MALRD1: variants seen among roughly 807,000 people sequenced by gnomAD.
MALRD1 encodes MAM and LDL receptor class A domain containing 1.
In MALRD1, 247 loss-of-function variants were observed where a neutral mutation model predicts 242.1. That is an observed-to-expected ratio of 1.02 (90% CI 0.92 to 1.13). The LOEUF (loss-of-function observed/expected upper bound fraction) is 1.13, where lower values mean the gene tolerates loss of function less well. Ranked by LOEUF, MALRD1 falls within the 50% of genes most tolerant of loss-of-function variation. The probability of loss-of-function intolerance (pLI) is 0.00; values close to 1 mark genes in which losing one functional copy is unlikely to be tolerated. For missense variants in MALRD1, 2,989 were observed against 2,533.1 expected (o/e 1.18, Z -3.86); for synonymous variants, 995 against 866.6 (o/e 1.15, Z -2.60).
chr10:19,124,696 T>C (rs1837191251), intron 7 of MALRD1, 26 bp downstream of exon 7: 35 of 1,232,428 alleles, frequency 2.8e-5, no homozygotes, highest in Non-Finnish European at 3.4e-5. Flanking sequence ...ATATCTTTTA[T>C]GTATTACTTT....
intron 10 of MALRD1, among the ~76,000 whole-genome samples, 170 bp from the exon 11 acceptor site, chr10:19,146,028 G>A (rs141579654): frequency 3.3e-5 from 5 of 152,242 alleles, no homozygotes; most frequent in Admixed American, 1.3e-4. Context: ...CACAGCACCT[G>A]AGATATTGTG....
intron 18 of MALRD1, among the ~76,000 whole-genome samples, chr10:19,233,096 G>A (rs1838153416): frequency 2.0e-5 from 3 of 152,152 alleles, no homozygotes; most frequent in African/African-American, 7.2e-5. Context: ...CATAGGAGGT[G>A]TATATATTTG....
At chr10:19,220,297 G>GA (rs1178204942) in intron 18 of MALRD1, among the ~76,000 whole-genome samples, 1 of 152,152 alleles carries the variant, frequency 6.6e-6, no homozygotes, top group East Asian at 1.9e-4. Context: ...AAGAGGGAAA[G>GA]ACCTTTGAGC....
chr10:19,225,628 C>T (rs1179391703), intron 18 of MALRD1, among the ~76,000 whole-genome samples: 1 of 152,080 alleles, frequency 6.6e-6, no homozygotes, highest in East Asian at 1.9e-4. Context: ...TCCTGTAATG[C>T]TTCATTTCTA....
intron 33 of MALRD1, among the ~76,000 whole-genome samples, chr10:19,584,117 TTTTC>T (rs1266149781): frequency 4.0e-5 from 6 of 150,916 alleles, no homozygotes; most frequent in African/African-American, 1.5e-4. Flanking sequence ...TTCTCTCTTT[TTTTC>T]TTTATTAGTC....
intron 19 of MALRD1, among the ~76,000 whole-genome samples, chr10:19,275,471 A>G (rs1020256547): frequency 1.2e-4 from 19 of 152,154 alleles, no homozygotes; most frequent in Non-Finnish European, 2.8e-4. Flanking sequence ...GATCAAGACC[A>G]TCCTGGTTAA....
chr10:19,059,693 C>G (rs571988164), intron 1 of MALRD1, among the ~76,000 whole-genome samples: 32 of 151,826 alleles, frequency 2.1e-4, no homozygotes, highest in South Asian at 4.2e-4. Flanking sequence ...CGCTGGCCCT[C>G]TGCATCTATT....
intron 36 of MALRD1, among the ~76,000 whole-genome samples, chr10:19,623,354 T>G (rs1839492392): frequency 6.6e-6 from 1 of 152,222 alleles, no homozygotes; most frequent in Non-Finnish European, 1.5e-5. Flanking sequence ...AAATTCATTT[T>G]AAAATATAGA....
chr10:19,528,054 A>G (rs768315013), intron 31 of MALRD1, among the ~76,000 whole-genome samples: 17 of 152,208 alleles, frequency 1.1e-4, no homozygotes, highest in Non-Finnish European at 2.1e-4. Flanking sequence ...CCAAATAAGA[A>G]AACAAGCCGT....
intron 36 of MALRD1, among the ~76,000 whole-genome samples, chr10:19,689,244 G>C (rs967243654): frequency 5.9e-5 from 9 of 152,148 alleles, no homozygotes; most frequent in African/African-American, 2.2e-4. Context: ...GTGTGTGTGT[G>C]TGTGTATCTG....
intron 1 of MALRD1, among the ~76,000 whole-genome samples, chr10:19,053,396 T>G (rs1834566267): frequency 6.6e-6 from 1 of 152,176 alleles, no homozygotes; most frequent in Non-Finnish European, 1.5e-5. Flanking sequence ...GGTGCATGCC[T>G]TGGTTTTGGT....
chr10:19,097,940 G>T (rs539798448), intron 4 of MALRD1, among the ~76,000 whole-genome samples: 1 of 152,136 alleles, frequency 6.6e-6, no homozygotes, highest in African/African-American at 2.4e-5. Context: ...ATTGTACCTA[G>T]GGTGGACGCG....
intron 28 of MALRD1, among the ~76,000 whole-genome samples, chr10:19,412,303 A>G (rs780446066): frequency 6.6e-6 from 1 of 152,224 alleles, no homozygotes; most frequent in Non-Finnish European, 1.5e-5. Flanking sequence ...ATACATAAAT[A>G]CAAGTTTATA....
At chr10:19,271,818 C>G (rs1289677731) in intron 19 of MALRD1, among the ~76,000 whole-genome samples, 4 of 151,942 alleles carry the variant, frequency 2.6e-5, no homozygotes, top group East Asian at 1.9e-4. Context: ...GAAATAGAAA[C>G]TGTGAGAGGA....
intron 5 of MALRD1, among the ~76,000 whole-genome samples, chr10:19,113,193 C>A (rs566233187): frequency 1.3e-5 from 2 of 152,234 alleles, no homozygotes; most frequent in South Asian, 4.1e-4. Context: ...GTCTCCACTT[C>A]TCATAAATCC....
chr10:19,481,357 G>C (rs972583614), intron 29 of MALRD1, among the ~76,000 whole-genome samples: 1 of 152,128 alleles, frequency 6.6e-6, no homozygotes, highest in Non-Finnish European at 1.5e-5. Flanking sequence ...TTGAACTTAA[G>C]ATAGACTTAA....
At chr10:19,599,875 G>A (rs1838273371) in intron 34 of MALRD1, among the ~76,000 whole-genome samples, 1 of 152,094 alleles carries the variant, frequency 6.6e-6, no homozygotes, top group South Asian at 2.1e-4. Context: ...TTAATCTGCT[G>A]GTGGTGATAC....
intron 28 of MALRD1, 109 bp from the exon 29 acceptor site, chr10:19,450,198 G>C (rs1835241421): frequency 1.0e-6 from 1 of 966,426 alleles, no homozygotes; most frequent in African/African-American, 1.7e-5. Flanking sequence ...TGTTTTTTCA[G>C]TTTTTATTGG....
At chr10:19,521,721 A>T (rs1273206919) in intron 31 of MALRD1, among the ~76,000 whole-genome samples, 6 of 152,108 alleles carry the variant, frequency 3.9e-5, no homozygotes, top group Admixed American at 3.3e-4. Flanking sequence ...TTGCTATTAT[A>T]TGTATTTAAT....
Sources: allele counts gnomAD v4.1 joint callset (sites outside exome capture counted in the v4.1 genomes callset), GRCh38; gene constraint gnomAD v4.1.1; transcripts MANE v1.5; gene names NCBI Gene and HGNC (gene_info 2026-07-23, HGNC 2026-07-21).